Variants in DGKB observed in about 807,000 individuals in gnomAD.
DGKB encodes diacylglycerol kinase beta, also known as 90 kDa diacylglycerol kinase.
Under a neutral mutation model 114.3 loss-of-function variants are expected in DGKB, and 67 were observed. The ratio of observed to expected loss-of-function variants is 0.59; its 90% CI spans 0.48 to 0.72. The LOEUF (loss-of-function observed/expected upper bound fraction) is 0.72, where lower values mean the gene tolerates loss of function less well. Among genes scored for constraint, DGKB ranks in the 30% least tolerant of loss-of-function variants. The pLI is 0.00. For missense variants in DGKB, 907 were observed against 975.2 expected, an observed-to-expected ratio of 0.93 and a Z score of 0.93; for synonymous variants, 398 against 323.1, an observed-to-expected ratio of 1.23 and a Z score of -2.49.
chr7:14,298,756 A>G (rs1017240617), intron 23 of DGKB, among the ~76,000 whole-genome samples: 18 of 152,322 alleles, frequency 1.2e-4, no homozygotes, highest in Admixed American at 4.6e-4. Context: ...TAAACAGGCA[A>G]CCTACAGAAT....
intron 19 of DGKB, among the ~76,000 whole-genome samples, chr7:14,578,681 T>C (rs959194389): frequency 2.0e-5 from 3 of 152,204 alleles, no homozygotes; most frequent in African/African-American, 7.2e-5. Context: ...TATTATGCAA[T>C]TGGGACAACT....
At chr7:14,904,113 C>T (rs560601511), upstream of DGKB, among the ~76,000 whole-genome samples, 5 of 152,100 alleles carry the variant, frequency 3.3e-5, no homozygotes, top group Non-Finnish European at 7.4e-5. Flanking sequence ...TCAAATCCCC[C>T]AAAGAATAGA....
chr7:14,616,872 T>C (rs903795708), intron 15 of DGKB, among the ~76,000 whole-genome samples: 1 of 151,800 alleles, frequency 6.6e-6, no homozygotes, highest in Admixed American at 6.6e-5. Context: ...GGAAAGATTT[T>C]ATAGCATCTG....
At chr7:14,478,884 G>A (rs74771301) in intron 20 of DGKB, among the ~76,000 whole-genome samples, 514 of 152,064 alleles carry the variant, frequency 3.4e-3, no homozygotes, top group African/African-American at 0.011. Context: ...GACCCCAAGT[G>A]CATCGGTTCT....
chr7:14,576,404 T>C lies in DGKB; in HGVS notation c.1610-2032A>G, dbSNP rs186888874. 4.2e-3 allele frequency among the ~76,000 whole-genome samples: 638 copies of C among 151,868 alleles called. 4 individuals carry two copies. Among genetic ancestry groups the C allele is most frequent in the African/African-American group, 0.014 (601 of 41,464 alleles). On this transcript the variant is annotated intron_variant, in intron 19 of 25. Transcript: ENST00000402815. The stretch of plus-strand genomic sequence containing the variant: ...GTAATAGCTCCCCAAATAAATTATA[T>C]ACATATATATATTATTTTACCTACT...
intron 1 of DGKB, among the ~76,000 whole-genome samples, chr7:14,959,501 G>C (rs778956384): frequency 6.6e-6 from 1 of 151,232 alleles, no homozygotes; most frequent in South Asian, 2.1e-4. Context: ...TTTTAAATTT[G>C]GGTATTTACA....
chr7:14,284,059 C>T (rs1800414451), intron 23 of DGKB, among the ~76,000 whole-genome samples: 1 of 152,066 alleles, frequency 6.6e-6, no homozygotes, highest in Admixed American at 6.6e-5. Context: ...AAAGAAACTA[C>T]CATCAGAGTG....
chr7:14,490,705 A>G (rs900439748), intron 20 of DGKB, among the ~76,000 whole-genome samples: 2 of 152,162 alleles, frequency 1.3e-5, no homozygotes, highest in African/African-American at 4.8e-5. Context: ...GAACTTTGTT[A>G]TTGTTCCATA....
At chr7:14,897,224 C>T (rs1782246701) in intron 1 of DGKB, among the ~76,000 whole-genome samples, 1 of 151,784 alleles carries the variant, frequency 6.6e-6, no homozygotes, top group South Asian at 2.1e-4. Flanking sequence ...TATTTGAATA[C>T]TAAATGAAAT....
chr7:14,804,006 A>G (rs1037760351), intron 2 of DGKB, among the ~76,000 whole-genome samples: 3 of 151,748 alleles, frequency 2.0e-5, no homozygotes, highest in African/African-American at 7.3e-5. Flanking sequence ...TATTATTATT[A>G]TTTATACCAC....
At chr7:14,730,142 G>A (rs866179911) in intron 5 of DGKB, among the ~76,000 whole-genome samples, 17 of 152,220 alleles carry the variant, frequency 1.1e-4, no homozygotes, top group Admixed American at 2.6e-4. Flanking sequence ...ACTATATTAC[G>A]TCCTATTTTA....
At chr7:14,217,566 A>C (rs776066080) in intron 23 of DGKB, among the ~76,000 whole-genome samples, 10 of 152,090 alleles carry the variant, frequency 6.6e-5, no homozygotes, top group Non-Finnish European at 1.2e-4. Context: ...GGTTTATATA[A>C]AAGTCATATG....
chr7:14,915,845 C>G (rs1234388838), intron 1 of DGKB, among the ~76,000 whole-genome samples: 1 of 152,010 alleles, frequency 6.6e-6, no homozygotes, highest in Non-Finnish European at 1.5e-5. Flanking sequence ...AAACAAGTTC[C>G]TCAGAGAGAA....
At chr7:14,743,932 T>C (rs888483575) in intron 4 of DGKB, among the ~76,000 whole-genome samples, 2 of 152,142 alleles carry the variant, frequency 1.3e-5, no homozygotes, top group Non-Finnish European at 2.9e-5. Context: ...ACTCTAACAC[T>C]GGACTAAAGG....
chr7:14,334,382 G>A (rs1164191793), intron 23 of DGKB, among the ~76,000 whole-genome samples: 1 of 82,714 alleles, frequency 1.2e-5, no homozygotes, highest in Non-Finnish European at 2.9e-5. Context: ...GTGTGTGTGT[G>A]TGTGTGTGTG....
At chr7:14,289,536 C>T (rs1801403731) in intron 23 of DGKB, among the ~76,000 whole-genome samples, 1 of 151,976 alleles carries the variant, frequency 6.6e-6, no homozygotes, top group Admixed American at 6.6e-5. Flanking sequence ...TCTAATAACA[C>T]ACATTAAATC....
At chr7:14,320,997 TA>T (rs1439393160) in intron 23 of DGKB, among the ~76,000 whole-genome samples, 7 of 152,122 alleles carry the variant, frequency 4.6e-5, no homozygotes, top group African/African-American at 1.7e-4. Flanking sequence ...CTTTAAAATT[TA>T]AAAATTCAGC....
intron 21 of DGKB, among the ~76,000 whole-genome samples, chr7:14,417,712 A>T (rs1583784588): frequency 6.8e-6 from 1 of 146,386 alleles, no homozygotes; most frequent in Admixed American, 7.0e-5. Context: ...TTTTTTTTTT[A>T]ACTTGTACAG....
chr7:14,156,941 C>T (rs1421171239), intron 25 of DGKB, among the ~76,000 whole-genome samples: 1 of 152,080 alleles, frequency 6.6e-6, no homozygotes, highest in Non-Finnish European at 1.5e-5. Context: ...AATTAATTCT[C>T]ATTGCTTTGC....
Sources: gnomAD v4.1 joint callset for allele counts (sites outside exome capture counted in the v4.1 genomes callset) on GRCh38, gnomAD v4.1.1 for gene constraint, MANE v1.5 for transcripts, NCBI Gene and HGNC (gene_info 2026-07-23, HGNC 2026-07-21) for gene names.